The following MYOM1 variants were observed in gnomAD, a reference collection of about 807,000 sequenced individuals.
MYOM1 encodes myomesin 1.
MYOM1 carries 164 observed loss-of-function variants against 205.3 expected under a neutral mutation model. The observed-to-expected ratio is 0.80, with a 90% CI of 0.70 to 0.91. The LOEUF is 0.91. Ranked by LOEUF, MYOM1 falls within the 40% of genes least tolerant of loss-of-function variation. MYOM1 has a pLI of 0.00. For synonymous variants in MYOM1, 772 were observed against 789.4 expected, an observed-to-expected ratio of 0.98 and a Z score of 0.37; for missense variants, 2,011 against 2,127.3, an observed-to-expected ratio of 0.95 and a Z score of 1.08.
the MYOM1 span, chr18:3,236,481 C>T: frequency 6.6e-6 from 1 of 152,150 alleles, no homozygotes; most frequent in African/African-American, 2.4e-5. Context: ...ACAGAAAATC[C>T]TACCAGAATT....
At chr18:3,181,666 T>C (rs1212743365) in intron 5 of MYOM1, among the ~76,000 whole-genome samples, 2 of 152,038 alleles carry the variant, frequency 1.3e-5, no homozygotes, top group Non-Finnish European at 2.9e-5. Flanking sequence ...TGAATTATTA[T>C]AATGGGCTTA....
chr18:3,167,290 C>T (rs926331477), intron 9 of MYOM1, among the ~76,000 whole-genome samples: 20 of 152,202 alleles, frequency 1.3e-4, no homozygotes, highest in Non-Finnish European at 2.5e-4. Context: ...TCTCTTCAGA[C>T]AGTTTCTATA....
chr18:3,138,374 A>C (rs148622815), intron 14 of MYOM1, among the ~76,000 whole-genome samples: 73 of 152,302 alleles, frequency 4.8e-4, no homozygotes, highest in African/African-American at 1.7e-3. Flanking sequence ...CTTGACAGAC[A>C]GGCAACATGG....
In MYOM1 at chr18:3,112,305, G is replaced by A. The variant is rs2143800818; in HGVS notation, c.3411C>T (p.Thr1137=). The change falls in exon 22 of 38, where the codon ACC becomes ACT. Residue 1137 remains threonine, a synonymous_variant. Transcript: ENST00000356443. ...SDLAGPVVAE[T]RPGTKEVVVN... is the part of the protein sequence containing the mutation. The stretch of plus-strand genomic sequence containing the variant: ...GAAAAGGTGAAAGCCCACCTGGACG[G>A]GTCTCTGCCACAACAGGGCCAGCAA... 6.2e-7 allele frequency: 1 copy of A among 1,613,156 alleles called. No homozygotes were observed. Among genetic ancestry groups the A allele is most frequent in the Non-Finnish European group, 8.5e-7 (1 of 1,179,258 alleles).
At chr18:3,113,258 G>A (rs868741962) in intron 21 of MYOM1, among the ~76,000 whole-genome samples, 39 of 143,808 alleles carry the variant, frequency 2.7e-4, no homozygotes, top group African/African-American at 7.6e-4. Flanking sequence ...ATCTATGTGT[G>A]TATATGTGTA....
At chr18:3,162,580 A>G (rs115156498) in intron 10 of MYOM1, among the ~76,000 whole-genome samples, 1 of 152,094 alleles carries the variant, frequency 6.6e-6, no homozygotes, top group Non-Finnish European at 1.5e-5. Context: ...TTGTGCCTCT[A>G]CTAGATCTCT....
rs78331937 is a variant in MYOM1 at position 3,072,350 on chromosome 18, C to CTTTTTTTTTTTTTTTTTTTTT, written c.4709-482_4709-462dup. Among the ~76,000 whole-genome samples the CTTTTTTTTTTTTTTTTTTTTT allele has an allele frequency of 3.0e-4, 17 of 56,214 alleles. 5 individuals carry two copies. The highest frequency in any genetic ancestry group is 1.3e-3 in the African/African-American group (14 of 10,712). 36.9% of individuals were successfully genotyped at this position (56,214 alleles called of 152,430 possible). A position where few individuals can be genotyped will look rare whatever the true frequency, so the allele number is the denominator to read the frequency against. On this transcript the variant is annotated intron_variant, in intron 36 of 37. Transcript: ENST00000356443. ...AGCAGGCGTGAGCCACCGCACCCGG[C>CTTTTTTTTTTTTTTTTTTTTT]TTTTTTTTTTTTTTTTTTTTTGAGG... is the stretch of plus-strand genomic sequence containing the variant.
intron 10 of MYOM1, among the ~76,000 whole-genome samples, chr18:3,157,428 C>T (rs752800955): frequency 1.3e-5 from 2 of 151,932 alleles, no homozygotes; most frequent in Non-Finnish European, 2.9e-5. Context: ...CAGTGGGTCA[C>T]GCCTGTAATC....
At position 3,176,096 on chromosome 18, in the gene MYOM1, G is replaced by C. The variant is rs766914850; in HGVS notation, c.968C>G (p.Pro323Arg). 3 of 1,608,674 alleles carry C rather than the reference G, an allele frequency of 1.9e-6. No individual in the cohort carries two copies. The highest frequency in any genetic ancestry group is 1.7e-6 in the Non-Finnish European group (2 of 1,175,144). ...NQVPINVHANPGKYIIESRYG... is the reference protein window; with the variant it reads ...NQVPINVHANRGKYIIESRYG... ...TCGACTCTCAATAATATACTTTCCAGGGTTTGCATGGACATTTATTGGCAC... is the reference window on the plus strand; with the variant it reads ...TCGACTCTCAATAATATACTTTCCACGGTTTGCATGGACATTTATTGGCAC... The change falls in exon 6 of 38, where the codon CCT becomes CGT. Residue 323 changes from proline (P) to arginine (R), a missense_variant. Physicochemically the swap from Pro to Arg is moderately radical, Grantham distance 103 (BLOSUM62 -2). Coordinates refer to ENST00000356443, the MANE Select transcript of MYOM1 (RefSeq NM_003803.4).
chr18:3,077,558 G>A (rs886699357), intron 34 of MYOM1, among the ~76,000 whole-genome samples: 12 of 152,034 alleles, frequency 7.9e-5, no homozygotes, highest in African/African-American at 2.7e-4. Context: ...TCTTGTCCCC[G>A]CACCACTCTG....
chr18:3,221,473 C>T (rs1053833470), upstream of MYOM1, among the ~76,000 whole-genome samples: 1 of 152,194 alleles, frequency 6.6e-6, no homozygotes, highest in Admixed American at 6.5e-5. Flanking sequence ...TCATACCTTG[C>T]AAGGTACAGC....
chr18:3,158,320 T>C (rs1420645132), intron 10 of MYOM1, among the ~76,000 whole-genome samples: 2 of 152,264 alleles, frequency 1.3e-5, no homozygotes, highest in Non-Finnish European at 2.9e-5. Context: ...CATCGTTTCA[T>C]GGAGCATCTA....
intron 10 of MYOM1, among the ~76,000 whole-genome samples, chr18:3,163,009 T>TGACGG (rs2080416501): frequency 6.8e-6 from 1 of 146,632 alleles, no homozygotes; most frequent in Non-Finnish European, 1.5e-5. Context: ...CCAGCCTGGG[T>TGACGG]GACTGAGACT....
intron 9 of MYOM1, among the ~76,000 whole-genome samples, chr18:3,166,995 T>C (rs1056406400): frequency 6.6e-6 from 1 of 152,234 alleles, no homozygotes; most frequent in Non-Finnish European, 1.5e-5. Context: ...ACACATCTTC[T>C]GTTAGCTAGG....
rs773271739 is a variant in MYOM1 at position 3,154,212 on chromosome 18, A to G, written c.1643+735T>C. Among the ~76,000 whole-genome samples, 28 of 152,216 alleles carry G rather than the reference A, an allele frequency of 1.8e-4. 1 individual carries two copies. Among genetic ancestry groups the G allele is most frequent in the African/African-American group, 6.7e-4 (28 of 41,558 alleles). Reference sequence around the variant, plus strand: ...CAAGGTGGCCTCTATGAGGTCTACAAATTCATAGCATTCTTGCCAAATTAG... The same window carrying G: ...CAAGGTGGCCTCTATGAGGTCTACAGATTCATAGCATTCTTGCCAAATTAG... On this transcript the variant is annotated intron_variant, in intron 11 of 37. Coordinates refer to ENST00000356443, the MANE Select transcript of MYOM1 (RefSeq NM_003803.4).
intron 4 of MYOM1, among the ~76,000 whole-genome samples, chr18:3,187,854 TTTC>T (rs2080841949): frequency 2.1e-5 from 3 of 146,200 alleles, no homozygotes; most frequent in Admixed American, 6.7e-5. Flanking sequence ...TTGATTTCTT[TTTC>T]TTTTTTTTTT....
At position 3,101,403 on chromosome 18, in the gene MYOM1, G is replaced by A. The variant is rs143154587; in HGVS notation, c.3576-977C>T. Among the ~76,000 whole-genome samples the A allele has an allele frequency of 5.1e-3, 775 of 152,286 alleles. 5 individuals are homozygous for A. Among genetic ancestry groups the A allele is most frequent in the African/African-American group, 0.018 (738 of 41,560 alleles). ...TAAAAAGAATACTCAAAATCTTGGC[G>A]TTGAAAGGCAATGATAGATCATACA... On this transcript the variant is annotated intron_variant, in intron 23 of 37. Coordinates refer to ENST00000356443, the MANE Select transcript of MYOM1 (RefSeq NM_003803.4).
At chr18:3,222,735 A>C (rs1466994707), upstream of MYOM1, among the ~76,000 whole-genome samples, 2 of 140,096 alleles carry the variant, frequency 1.4e-5, no homozygotes, top group African/African-American at 3.3e-5. Flanking sequence ...ATACACACAC[A>C]AACAGGCATA....
At chr18:3,239,449 T>C in the MYOM1 span, among the ~76,000 whole-genome samples, 2 of 152,188 alleles carry the variant, frequency 1.3e-5, no homozygotes, top group South Asian at 2.1e-4. Context: ...GTTATAAAAC[T>C]GACATCAAAT....
Sources: gnomAD v4.1 joint callset for allele counts (sites outside exome capture counted in the v4.1 genomes callset) on GRCh38, gnomAD v4.1.1 for gene constraint, MANE v1.5 for transcripts, NCBI Gene and HGNC (gene_info 2026-07-23, HGNC 2026-07-21) for gene names.